The following BNC2 variants were observed in gnomAD, a reference collection of about 807,000 sequenced individuals.
BNC2 encodes basonuclin zinc finger protein 2.
BNC2 carries 20 observed loss-of-function variants against 76.3 expected under a neutral mutation model. The observed-to-expected ratio is 0.26, with a 90% CI of 0.18 to 0.38. The LOEUF (loss-of-function observed/expected upper bound fraction) is 0.38, where lower values mean the gene tolerates loss of function less well. Ranked by LOEUF, BNC2 falls within the 10% of genes least tolerant of loss-of-function variation. The pLI is 1.00. For synonymous variants in BNC2, 582 were observed against 514.8 expected, an observed-to-expected ratio of 1.13 and a Z score of -1.77; for missense variants, 1,382 against 1,399.8, an observed-to-expected ratio of 0.99 and a Z score of 0.20.
chr9:16,740,811 T>C (rs893520620), intron 1 of BNC2, among the ~76,000 whole-genome samples: 1 of 151,868 alleles, frequency 6.6e-6, no homozygotes, highest in Non-Finnish European at 1.5e-5. Context: ...GGAGAGAATA[T>C]GATCAAGAGC....
At chr9:16,452,822 C>A (rs1322809060) in intron 5 of BNC2, among the ~76,000 whole-genome samples, 1 of 152,198 alleles carries the variant, frequency 6.6e-6, no homozygotes, top group Non-Finnish European at 1.5e-5. Flanking sequence ...GTCTTCCCCT[C>A]CTTCCTGCAA....
At chr9:16,553,437 A>G (rs1259131879) in intron 4 of BNC2, among the ~76,000 whole-genome samples, 1 of 152,194 alleles carries the variant, frequency 6.6e-6, no homozygotes, top group Non-Finnish European at 1.5e-5. Context: ...TTTTGTGTTC[A>G]TTGGCATGTT....
intron 2 of BNC2, among the ~76,000 whole-genome samples, chr9:16,736,799 T>C (rs550238193): frequency 1.2e-4 from 18 of 148,532 alleles, no homozygotes; most frequent in South Asian, 8.5e-4. Flanking sequence ...CTTTCTGAGA[T>C]GGATAATGGA....
rs550199393 is a variant in BNC2, at chr9:16,541,909, C to G, written c.669+10621G>C. On this transcript the variant is annotated intron_variant, in intron 5 of 6. Coordinates refer to ENST00000380672, the MANE Select transcript of BNC2 (RefSeq NM_017637.6). ...AAAAAAATGCCTATTGTGCACAGAG[C>G]CTTCCTTCAAAATTGCATCTCAGAG... 5.9e-5 allele frequency among the ~76,000 whole-genome samples: 9 copies of G among 152,048 alleles called. No individual in the cohort carries two copies. In the South Asian group the frequency reaches 1.5e-3, roughly 25 times the overall value.
intron 3 of BNC2, among the ~76,000 whole-genome samples, chr9:16,714,555 A>G (rs1419221833): frequency 1.3e-5 from 2 of 152,214 alleles, no homozygotes. Flanking sequence ...CAAACTGTTA[A>G]TCTCTGGTCT....
At chr9:16,827,052 G>A (rs1453852442) in intron 1 of BNC2, among the ~76,000 whole-genome samples, 1 of 152,172 alleles carries the variant, frequency 6.6e-6, no homozygotes, top group Admixed American at 6.5e-5. Flanking sequence ...TTTAAGCGAT[G>A]TTACCAATTA....
At chr9:16,624,846 T>C (rs969659038) in intron 3 of BNC2, among the ~76,000 whole-genome samples, 3 of 152,218 alleles carry the variant, frequency 2.0e-5, no homozygotes, top group Non-Finnish European at 4.4e-5. Flanking sequence ...GAAATGAGAA[T>C]GCACACATGA....
At chr9:16,793,872 T>A (rs886109652) in intron 1 of BNC2, among the ~76,000 whole-genome samples, 17 of 142,884 alleles carry the variant, frequency 1.2e-4, no homozygotes, top group Non-Finnish European at 1.9e-4. Flanking sequence ...TTTTTTGTTT[T>A]TTTTTTTTTT....
chr9:16,565,656 A>C (rs982184961), intron 4 of BNC2, among the ~76,000 whole-genome samples: 3 of 151,958 alleles, frequency 2.0e-5, no homozygotes, highest in African/African-American at 7.3e-5. Context: ...AAAAATACAA[A>C]AATTAGCCAG....
rs551792807 is a variant in BNC2, at chr9:16,615,995, T to G, written c.331-32910A>C. On this transcript the variant is annotated intron_variant, in intron 3 of 6. Transcript: ENST00000380672. ...TTCAAAACCAAGTCTGAGAGCTCAA[T>G]GGTCACATTTGTTCAATTCCATTAC... 2.6e-5 allele frequency among the ~76,000 whole-genome samples: 4 copies of G among 152,308 alleles called. No homozygotes were observed. In the South Asian group the frequency reaches 6.2e-4, roughly 24 times the overall value.
chr9:16,414,924 T>G lies in BNC2; in HGVS notation c.*4065A>C, dbSNP rs964311488. Reference sequence around the variant, plus strand: ...CATTCTTGATATATTCAAAGTTTTTTTTTTTTTTTTTTCCTTAGAGCAATG... The same window carrying G: ...CATTCTTGATATATTCAAAGTTTTTGTTTTTTTTTTTTCCTTAGAGCAATG... On this transcript the variant is annotated 3_prime_UTR_variant, in exon 7 of 7. Coordinates refer to ENST00000380672, the MANE Select transcript of BNC2 (RefSeq NM_017637.6). 6.6e-6 allele frequency: 1 copy of G among 151,910 alleles called. No individual in the cohort carries two copies. Among genetic ancestry groups the G allele is most frequent in the African/African-American group, 2.4e-5 (1 of 41,364 alleles). 9.4% of individuals were successfully genotyped at this position (151,910 alleles called of 1,614,324 possible).
At chr9:16,827,442 A>C (rs1468236526) in intron 1 of BNC2, among the ~76,000 whole-genome samples, 3 of 152,196 alleles carry the variant, frequency 2.0e-5, no homozygotes, top group African/African-American at 4.8e-5. Context: ...GAGGTATTGT[A>C]CTGATGGAGA....
At chr9:16,671,882 G>T (rs141261102) in intron 3 of BNC2, among the ~76,000 whole-genome samples, 1 of 152,160 alleles carries the variant, frequency 6.6e-6, no homozygotes, top group Non-Finnish European at 1.5e-5. Context: ...GACTGAAAAT[G>T]CAAGTTGCAT....
intron 5 of BNC2, among the ~76,000 whole-genome samples, chr9:16,459,116 G>C (rs1821518357): frequency 1.3e-5 from 2 of 152,178 alleles, no homozygotes; most frequent in Non-Finnish European, 2.9e-5. Flanking sequence ...GAGTTAAATA[G>C]AAGCCAAAAC....
At chr9:16,861,438 G>C (rs1283980502) in intron 1 of BNC2, among the ~76,000 whole-genome samples, 2 of 152,024 alleles carry the variant, frequency 1.3e-5, no homozygotes, top group Non-Finnish European at 2.9e-5. Context: ...CAGAGGGCTT[G>C]TACTCAGAAT....
intron 6 of BNC2, among the ~76,000 whole-genome samples, chr9:16,423,745 C>G (rs542628774): frequency 6.6e-6 from 1 of 152,238 alleles, no homozygotes; most frequent in East Asian, 1.9e-4. Flanking sequence ...CTATTAATAC[C>G]ATAGTATGTT....
At chr9:16,439,800 T>C (rs1404159454) in intron 5 of BNC2, among the ~76,000 whole-genome samples, 1 of 152,220 alleles carries the variant, frequency 6.6e-6, no homozygotes, top group Non-Finnish European at 1.5e-5. Context: ...ACATAAAGAA[T>C]ATGTGTGAGT....
chr9:16,832,789 G>T (rs189603120), intron 1 of BNC2, among the ~76,000 whole-genome samples: 4 of 151,812 alleles, frequency 2.6e-5, no homozygotes, highest in Non-Finnish European at 5.9e-5. Flanking sequence ...GCAGTGGCGC[G>T]ATCTCGGCTT....
intron 1 of BNC2, among the ~76,000 whole-genome samples, chr9:16,777,732 T>TA (rs1167652218): frequency 1.4e-5 from 2 of 147,942 alleles, no homozygotes; most frequent in African/African-American, 2.5e-5. Flanking sequence ...TGTTAGGATG[T>TA]AAAAAGCATG....
Sources: allele counts gnomAD v4.1 joint callset (sites outside exome capture counted in the v4.1 genomes callset), GRCh38; gene constraint gnomAD v4.1.1; transcripts MANE v1.5; gene names NCBI Gene and HGNC (gene_info 2026-07-23, HGNC 2026-07-21).